Variants in SUSD1 observed in about 807,000 individuals in gnomAD.
The protein encoded by SUSD1 is sushi domain containing 1.
SUSD1 carries 65 observed loss-of-function variants against 86.9 expected under a neutral mutation model. The ratio of observed to expected loss-of-function variants is 0.75; its 90% CI spans 0.61 to 0.92. The LOEUF is 0.92. SUSD1 is among the 40% of genes least tolerant of loss of function. The probability of loss-of-function intolerance (pLI) is 0.00; values close to 1 mark genes in which losing one functional copy is unlikely to be tolerated. For missense variants in SUSD1, 850 were observed against 929.7 expected (o/e 0.91, Z 1.11); for synonymous variants, 346 against 350.0 (o/e 0.99, Z 0.13).
At position 112,138,317 on chromosome 9, in the gene SUSD1, T is replaced by C. The variant is rs370033680; in HGVS notation, c.706+4003A>G. 5.6e-5 allele frequency among the ~76,000 whole-genome samples: 5 copies of C among 89,514 alleles called. No homozygotes were observed. In the East Asian group the frequency reaches 1.9e-3, roughly 33 times the overall value. The allele number at this position is 89,514 out of a possible 152,430, so 58.7% of individuals were successfully genotyped here. A position where few individuals can be genotyped will look rare whatever the true frequency, so the allele number is the denominator to read the frequency against. ...TCCCAAACCCTCCCATTGGAAACTA[T>C]CACCATTAACATTTTGATGTATGGC... On this transcript the variant is annotated intron_variant, in intron 5 of 16. Transcript: ENST00000374270.
chr9:112,174,228 G>A (rs1834171771), intron 1 of SUSD1, among the ~76,000 whole-genome samples: 2 of 152,148 alleles, frequency 1.3e-5, no homozygotes, highest in Admixed American at 1.3e-4. Context: ...TCTGCTATGA[G>A]CTGGGATACC....
At chr9:112,053,110 G>A (rs1332686439) in intron 14 of SUSD1, among the ~76,000 whole-genome samples, 1 of 152,132 alleles carries the variant, frequency 6.6e-6, no homozygotes, top group Non-Finnish European at 1.5e-5. Context: ...TGCACGGTGA[G>A]GGTTAGAGGA....
At chr9:112,115,048 C>T (rs1831255860) in intron 6 of SUSD1, among the ~76,000 whole-genome samples, 1 of 152,174 alleles carries the variant, frequency 6.6e-6, no homozygotes, top group South Asian at 2.1e-4. Context: ...GAAAGGCTCC[C>T]ATCTAAGAAG....
At chr9:112,170,710 T>TATATATATAGAGAGAGAGAG (rs758442726) in intron 1 of SUSD1, among the ~76,000 whole-genome samples, 1 of 113,826 alleles carries the variant, frequency 8.8e-6, no homozygotes, top group African/African-American at 3.8e-5. Context: ...TATATATATA[T>TATATATATAGAGAGAGAGAG]AGAGAGAGAG....
chr9:112,123,459 G>C (rs1294762852), intron 6 of SUSD1, among the ~76,000 whole-genome samples: 1 of 152,058 alleles, frequency 6.6e-6, no homozygotes, highest in Non-Finnish European at 1.5e-5. Context: ...TCCAACACTG[G>C]AGACCACATT....
In SUSD1 at chr9:112,056,346, T is replaced by C. The variant is rs147240695; in HGVS notation, c.2109+2082A>G. ...GGAATGGGGAGTCATTTAATGGGTA[T>C]AAAGTTTGTTCTGCAAGATAAAAAG... is the stretch of plus-strand genomic sequence containing the variant. On this transcript the variant is annotated intron_variant, in intron 14 of 16. Coordinates refer to ENST00000374270, the MANE Select transcript of SUSD1 (RefSeq NM_022486.5). 1.1e-3 allele frequency among the ~76,000 whole-genome samples: 173 copies of C among 151,800 alleles called. 1 individual carries two copies. Among genetic ancestry groups the C allele is most frequent in the African/African-American group, 3.9e-3 (162 of 41,412 alleles).
intron 2 of SUSD1, 99 bp from the exon 3 acceptor site, chr9:112,149,498 T>C: frequency 7.4e-7 from 1 of 1,351,792 alleles, no homozygotes; most frequent in South Asian, 1.3e-5. Flanking sequence ...GAACCAACGT[T>C]CTGTGACCAC....
chr9:112,123,953 T>C (rs368010753), intron 6 of SUSD1, among the ~76,000 whole-genome samples: 1 of 152,146 alleles, frequency 6.6e-6, no homozygotes, highest in African/African-American at 2.4e-5. Flanking sequence ...AGCATGCCCC[T>C]CTGAGAAAAT....
chr9:112,088,629 T>G (rs1215392829), intron 10 of SUSD1, among the ~76,000 whole-genome samples: 1 of 151,588 alleles, frequency 6.6e-6, no homozygotes, highest in Non-Finnish European at 1.5e-5. Context: ...TCCACTAAAA[T>G]AGAAAATGAA....
At chr9:112,042,253 T>C (rs144501199) in intron 15 of SUSD1, 1 of 1,183,696 alleles carries the variant, frequency 8.4e-7, no homozygotes, top group African/African-American at 1.5e-5. Context: ...CTATGCAACG[T>C]GTTACATTTT....
chr9:112,111,430 G>A (rs1043730930), intron 8 of SUSD1, among the ~76,000 whole-genome samples: 4 of 152,034 alleles, frequency 2.6e-5, no homozygotes, highest in Non-Finnish European at 5.9e-5. Context: ...CACCTCTCCC[G>A]GAGGGCTCAG....
intron 1 of SUSD1, among the ~76,000 whole-genome samples, chr9:112,157,824 C>T (rs866342709): frequency 0.01 from 1,398 of 136,862 alleles, 27 homozygotes; most frequent in African/African-American, 0.036. Context: ...TTCTTTCTTT[C>T]TTTTTTTTTT....
intron 13 of SUSD1, among the ~76,000 whole-genome samples, chr9:112,062,155 A>G (rs1197153628): frequency 6.6e-6 from 1 of 152,190 alleles, no homozygotes. Context: ...TACCTAAATG[A>G]TCTTTTCAGA....
chr9:112,087,703 G>A (rs138267768), intron 10 of SUSD1, among the ~76,000 whole-genome samples: 16 of 152,216 alleles, frequency 1.1e-4, no homozygotes, highest in East Asian at 1.9e-4. Flanking sequence ...GAAGTTAAAA[G>A]GGTCAAAAAT....
Position 112,060,273 on chromosome 9 carries a change from T to C in SUSD1, c.1851-1587A>G, listed in dbSNP as rs560478683. On this transcript the variant is annotated intron_variant, in intron 13 of 16. Transcript: ENST00000374270. ...CCCTGATTTTCTTTCTTTTCTTTTC[T>C]TTTTTAAGAAGGGAGTCTTGCTCTG... Among the ~76,000 whole-genome samples, 13 of 152,282 alleles carry C rather than the reference T, an allele frequency of 8.5e-5. No homozygotes were observed. In the South Asian group the frequency reaches 2.7e-3, roughly 32 times the overall value.
At chr9:112,051,408 C>CTTTTTTTTTTTTTTTTT (rs746946192) in intron 15 of SUSD1, among the ~76,000 whole-genome samples, 153 of 76,940 alleles carry the variant, frequency 2.0e-3, no homozygotes, top group Middle Eastern at 0.011. Context: ...TTTTTCTTTT[C>CTTTTTTTTTTTTTTTTT]TTTTTTTTTT....
intron 1 of SUSD1, among the ~76,000 whole-genome samples, chr9:112,163,145 G>T (rs986724666): frequency 4.0e-5 from 6 of 151,794 alleles, no homozygotes; most frequent in Non-Finnish European, 8.8e-5. Flanking sequence ...TCATCACTTT[G>T]GTTTGTTTGT....
intron 5 of SUSD1, among the ~76,000 whole-genome samples, chr9:112,127,397 C>T (rs185725563): frequency 1.3e-5 from 2 of 151,992 alleles, no homozygotes; most frequent in East Asian, 1.9e-4. Context: ...AAATGCTGTT[C>T]CAACTCTGAA....
intron 12 of SUSD1, among the ~76,000 whole-genome samples, chr9:112,075,531 G>A (rs1056242454): frequency 6.6e-6 from 1 of 152,102 alleles, no homozygotes; most frequent in African/African-American, 2.4e-5. Context: ...TTCAAGACCA[G>A]CCTAGGCAAC....
Sources: gnomAD v4.1 joint callset for allele counts (sites outside exome capture counted in the v4.1 genomes callset) on GRCh38, gnomAD v4.1.1 for gene constraint, MANE v1.5 for transcripts, NCBI Gene and HGNC (gene_info 2026-07-23, HGNC 2026-07-21) for gene names.